Variants in DHX8 observed in about 807,000 individuals in gnomAD.
The protein encoded by DHX8 is DEAH-box helicase 8.
Under a neutral mutation model 140.7 loss-of-function variants are expected in DHX8, and 67 were observed. The observed-to-expected ratio is 0.48, with a 90% CI of 0.39 to 0.58. DHX8 has a LOEUF of 0.58. Ranked by LOEUF, DHX8 falls within the 20% of genes least tolerant of loss-of-function variation. DHX8 has a pLI of 0.00. For synonymous variants in DHX8, 533 were observed against 553.2 expected, an observed-to-expected ratio of 0.96 and a Z score of 0.51; for missense variants, 887 against 1,550.7, an observed-to-expected ratio of 0.57 and a Z score of 7.19.
rs1969396460 is a variant in DHX8, at chr17:43,504,801, C to T, written c.1704C>T (p.Tyr568=). The change falls in exon 12 of 23, where the codon TAC becomes TAT. Residue 568 remains tyrosine (Y), a synonymous_variant. Transcript: ENST00000262415. The part of the protein sequence containing the change: ...ILEQRESLPI[Y]KLKEQLVQAV... ...AGCAGAGGGAGAGCCTGCCCATCTA[C>T]AAACTGAAGGAGCAATTGGTCCAGG... 1.2e-6 allele frequency: 2 copies of T among 1,613,872 alleles called. No homozygotes were observed. The highest frequency in any genetic ancestry group is 2.7e-5 in the African/African-American group (2 of 75,006).
In DHX8 at chr17:43,498,680, C is replaced by G. The variant is rs566497424; in HGVS notation, c.1301-182C>G. ...ACCAGTCTGATCTCAAACTCTTGACCTCAAGTGATCCTCCTGCCTCAGCCT... is the reference window on the plus strand; with the variant it reads ...ACCAGTCTGATCTCAAACTCTTGACGTCAAGTGATCCTCCTGCCTCAGCCT... On this transcript the variant is annotated intron_variant, in intron 9 of 22. Coordinates refer to ENST00000262415, the MANE Select transcript of DHX8 (RefSeq NM_004941.3). Among the ~76,000 whole-genome samples the G allele has an allele frequency of 2.5e-4, 38 of 151,876 alleles. No individual in the cohort carries two copies. In the East Asian group the frequency reaches 7.0e-3, roughly 28 times the overall value.
At chr17:43,533,723 C>A in intron 2 of DHX8, 1 of 1,152,432 alleles carries the variant, frequency 8.7e-7, no homozygotes, top group Non-Finnish European at 1.2e-6. Flanking sequence ...AGCTGTATTG[C>A]TTCCTTACAA....
chr17:43,492,829 G>A lies in DHX8; in HGVS notation c.652G>A (p.Val218Met), dbSNP rs779675191. Reference sequence around the variant, plus strand: ...TTCCAGGACCCGGGAGAGGAATAAAGTGAAGTCTAGATATCGGTCCAGGAG... The same window carrying A: ...TTCCAGGACCCGGGAGAGGAATAAAATGAAGTCTAGATATCGGTCCAGGAG... ...SRSRTRERNK[V>M]KSRYRSRSRS... Residue 218 changes from valine to methionine, a missense_variant, in exon 6 of 23, where the codon GTG (valine) becomes ATG (methionine). By Grantham distance (21) the Val-to-Met change is conservative. Coordinates refer to ENST00000262415, the MANE Select transcript of DHX8 (RefSeq NM_004941.3). The A allele has an allele frequency of 1.2e-6, 2 of 1,614,184 alleles. No individual in the cohort carries two copies. Among genetic ancestry groups the A allele is most frequent in the South Asian group, 2.2e-5 (2 of 91,084 alleles).
At chr17:43,510,124 C>A (rs1969734885) in intron 16 of DHX8, among the ~76,000 whole-genome samples, 1 of 152,124 alleles carries the variant, frequency 6.6e-6, no homozygotes, top group Non-Finnish European at 1.5e-5. Flanking sequence ...TCTTGGCTCA[C>A]CGCAACCTCC....
intron 11 of DHX8, among the ~76,000 whole-genome samples, chr17:43,502,831 A>G (rs1365169981): frequency 2.0e-5 from 3 of 152,224 alleles, no homozygotes; most frequent in African/African-American, 4.8e-5. Flanking sequence ...TAACAATATC[A>G]TCTTCCATTT....
intron 16 of DHX8, among the ~76,000 whole-genome samples, 156 bp from the exon 17 acceptor site, chr17:43,513,206 G>A (rs1366162030): frequency 6.6e-6 from 1 of 152,108 alleles, no homozygotes; most frequent in Admixed American, 6.5e-5. Flanking sequence ...CCCTTCTGCT[G>A]TTGGAGGCTG....
intron 1 of DHX8, among the ~76,000 whole-genome samples, chr17:43,487,913 G>A (rs183114341): frequency 4.6e-4 from 70 of 152,182 alleles, no homozygotes; most frequent in Admixed American, 5.9e-4. Flanking sequence ...AGAGGCGGAG[G>A]TTGCAATGAG....
At chr17:43,542,454 A>G (rs911594502) in intron 3 of DHX8, among the ~76,000 whole-genome samples, 2 of 152,080 alleles carry the variant, frequency 1.3e-5, no homozygotes, top group Admixed American at 6.5e-5. Flanking sequence ...CCTTGGACAA[A>G]AAACCAGCAT....
At chr17:43,528,091 A>G (rs1970674650), downstream of DHX8, 1 of 236,258 alleles carries the variant, frequency 4.2e-6, no homozygotes, top group Non-Finnish European at 8.3e-6. Flanking sequence ...AGCGTGGGGC[A>G]GAGTCCAGGC....
At position 43,525,029 on chromosome 17, in the gene DHX8, A is replaced by G. The variant is rs1363857221; in HGVS notation, c.*1182A>G. 1 of 985,256 alleles carries G rather than the reference A, an allele frequency of 1.0e-6. No individual in the cohort carries two copies. The highest frequency in any genetic ancestry group is 1.2e-6 in the Non-Finnish European group (1 of 830,008). The allele number at this position is 985,256 out of a possible 1,614,324, so 61.0% of individuals were successfully genotyped here. A position where few individuals can be genotyped will look rare whatever the true frequency, so the allele number is the denominator to read the frequency against. ...GGCTGCTCTCCAATCCCTGGCGTCA[A>G]GCAATCCTCCTGCCTCTGCCTCCCA... On this transcript the variant is annotated 3_prime_UTR_variant, in exon 23 of 23. Coordinates refer to ENST00000262415, the MANE Select transcript of DHX8 (RefSeq NM_004941.3).
chr17:43,484,025 G>T lies in DHX8; in HGVS notation c.-13G>T, dbSNP rs780527242. The T allele has an allele frequency of 1.9e-6, 3 of 1,613,936 alleles. No homozygotes were observed. In the East Asian group the frequency reaches 6.7e-5, roughly 36 times the overall value. On this transcript the variant is annotated 5_prime_UTR_variant, in exon 1 of 23. Transcript: ENST00000262415. ...CCGGCTGTGAGGAAGGAGGTTCTGG[G>T]CAAGCTATAGCCATGGCTGTGGCTG...
chr17:43,528,089 G>A (rs1803980914), downstream of DHX8: 1 of 236,542 alleles, frequency 4.2e-6, no homozygotes, highest in Admixed American at 5.6e-5. Flanking sequence ...ACAGCGTGGG[G>A]CAGAGTCCAG....
At chr17:43,509,773 AT>A (rs1374474685) in intron 16 of DHX8, among the ~76,000 whole-genome samples, 1 of 151,848 alleles carries the variant, frequency 6.6e-6, no homozygotes, top group Non-Finnish European at 1.5e-5. Context: ...GGTTCAAGCG[AT>A]TCCCCCGCCT....
chr17:43,522,110 TG>T lies in DHX8; in HGVS notation c.3330del (p.Phe1111SerfsTer17). 1 of 1,614,114 alleles carries T rather than the reference TG, an allele frequency of 6.2e-7. No individual in the cohort carries two copies. The highest frequency in any genetic ancestry group is 1.1e-5 in the South Asian group (1 of 91,084). ...TCCGAGTGCAGAAGGCCATCTGCAG[TG>T]GGTTCTTCCGTAATGCTGCCAAGAA... ...TVRVQKAICS[G>X]FFRNAAKKDP... On this transcript the variant is annotated frameshift_variant, in exon 22 of 23. Transcript: ENST00000262415. LOFTEE classifies it high-confidence loss of function.
intron 3 of DHX8, 35 bp from the exon 4 acceptor site, chr17:43,491,130 T>C (rs1384025353): frequency 2.8e-6 from 3 of 1,076,714 alleles, no homozygotes; most frequent in Admixed American, 5.3e-5. Context: ...ATATATCTCT[T>C]TTTTTAACCC....
chr17:43,489,573 G>T, intron 2 of DHX8, 39 bp downstream of exon 2: 1 of 1,337,788 alleles, frequency 7.5e-7, no homozygotes, highest in Non-Finnish European at 1.1e-6. Flanking sequence ...AGATATTAAT[G>T]TTTTAATTTA....
At position 43,491,175 on chromosome 17, in the gene DHX8, T is replaced by A; in HGVS notation, c.318T>A (p.Val106=). The A allele has an allele frequency of 6.5e-7, 1 of 1,530,382 alleles. No homozygotes were observed. Among genetic ancestry groups the A allele is most frequent in the East Asian group, 2.3e-5 (1 of 42,608 alleles). The allele number at this position is 1,530,382 out of a possible 1,614,324, so 94.8% of individuals were successfully genotyped here. Residue 106 remains valine (V), a synonymous_variant, in exon 4 of 23, where the codon GTT becomes GTA. Coordinates refer to ENST00000262415, the MANE Select transcript of DHX8 (RefSeq NM_004941.3). ...AKPSTSKDPV[V]KPKTEKEKLK... ...CTTTAATGAAACAAGATCCAGTTGT[T>A]AAACCTAAAACAGAAAAAGAAAAGC...
intron 2 of DHX8, among the ~76,000 whole-genome samples, chr17:43,532,423 C>T (rs961204593): frequency 3.3e-5 from 5 of 151,932 alleles, no homozygotes; most frequent in South Asian, 4.2e-4. Flanking sequence ...CGCTTGAACC[C>T]GGTAGGCAGA....
downstream of DHX8, among the ~76,000 whole-genome samples, chr17:43,530,800 G>A (rs1055499327): frequency 6.6e-6 from 1 of 151,986 alleles, no homozygotes; most frequent in Admixed American, 6.6e-5. Context: ...GAAGCCACCC[G>A]TTCAAGTTCC....
Sources: gnomAD v4.1 joint callset for allele counts (sites outside exome capture counted in the v4.1 genomes callset) on GRCh38, gnomAD v4.1.1 for gene constraint, MANE v1.5 for transcripts, NCBI Gene and HGNC (gene_info 2026-07-23, HGNC 2026-07-21) for gene names.